The following PRKG1 variants were observed in gnomAD, a reference collection of about 807,000 sequenced individuals.
PRKG1 encodes cGMP-dependent protein kinase 1.
PRKG1 carries 35 observed loss-of-function variants against 88.1 expected under a neutral mutation model. That is an observed-to-expected ratio of 0.40 (90% confidence interval 0.30 to 0.53). The LOEUF (loss-of-function observed/expected upper bound fraction) is 0.53. Ranked by LOEUF, PRKG1 falls within the 20% of genes least tolerant of loss-of-function variation. The pLI is 0.59. For missense variants in PRKG1, 540 were observed against 839.8 expected, an observed-to-expected ratio of 0.64 and a Z score of 4.41; for synonymous variants, 303 against 292.5, an observed-to-expected ratio of 1.04 and a Z score of -0.37.
intron 7 of PRKG1, among the ~76,000 whole-genome samples, chr10:52,128,943 A>T (rs1484601635): frequency 1.3e-5 from 2 of 152,196 alleles, no homozygotes; most frequent in Non-Finnish European, 2.9e-5. Context: ...TTCAGAGGTA[A>T]TGTGTGTTTG....
chr10:51,438,399 A>G (rs11599550), intron 2 of PRKG1, among the ~76,000 whole-genome samples: 38,259 of 151,756 alleles, frequency 0.25, 5,695 homozygotes, highest in Non-Finnish European at 0.34. Flanking sequence ...CTCATTGAAG[A>G]TAGAACTTTA....
In PRKG1 at chr10:51,524,074, C is replaced by G. The variant is rs374631649; in HGVS notation, c.592+56238C>G. Among the ~76,000 whole-genome samples the G allele has an allele frequency of 1.5e-4, 23 of 152,194 alleles. No individual in the cohort carries two copies. In the East Asian group the frequency reaches 4.1e-3, roughly 27 times the overall value. ...GTTTAGAAGTTTGTGGCACCTCTCC[C>G]CTGGTTCTCTTTCTTGTCCTTGCTC... On this transcript the variant is annotated intron_variant, in intron 3 of 17. Transcript: ENST00000373980.
intron 3 of PRKG1, among the ~76,000 whole-genome samples, chr10:51,725,929 G>A (rs546120873): frequency 1.3e-5 from 2 of 152,176 alleles, no homozygotes; most frequent in South Asian, 2.1e-4. Flanking sequence ...ATGAGCCACC[G>A]TGCCTGGCCA....
chr10:51,496,705 G>C (rs1352890863), intron 3 of PRKG1, among the ~76,000 whole-genome samples: 1 of 152,026 alleles, frequency 6.6e-6, no homozygotes, highest in African/African-American at 2.4e-5. Context: ...TCAGGCCTTT[G>C]TTTTCTGTAA....
intron 7 of PRKG1, among the ~76,000 whole-genome samples, chr10:52,097,897 T>G (rs1179623664): frequency 1.3e-5 from 2 of 152,034 alleles, no homozygotes; most frequent in East Asian, 3.9e-4. Flanking sequence ...GCTTTGTGCC[T>G]TAGGGAACAA....
upstream of PRKG1, among the ~76,000 whole-genome samples, chr10:51,072,418 G>A (rs1843845034): frequency 6.6e-6 from 1 of 152,058 alleles, no homozygotes; most frequent in South Asian, 2.1e-4. Context: ...GGTTAAATAA[G>A]AATTTGGCCT....
chr10:52,106,909 C>G (rs35049692), intron 7 of PRKG1, among the ~76,000 whole-genome samples: 44,742 of 151,850 alleles, frequency 0.29, 7,451 homozygotes, highest in Middle Eastern at 0.39. Flanking sequence ...ATAAATTATT[C>G]TAAAGCACCC....
intron 2 of PRKG1, among the ~76,000 whole-genome samples, chr10:51,384,933 A>G (rs1464848001): frequency 6.6e-6 from 1 of 152,228 alleles, no homozygotes; most frequent in Non-Finnish European, 1.5e-5. Context: ...TTCCTTTTGT[A>G]AAAACTAAAA....
intron 6 of PRKG1, among the ~76,000 whole-genome samples, chr10:52,059,802 TAA>T (rs1251540469): frequency 6.6e-6 from 1 of 151,882 alleles, no homozygotes; most frequent in Non-Finnish European, 1.5e-5. Context: ...TACTATATGA[TAA>T]CTTAAAAATT....
intron 4 of PRKG1, among the ~76,000 whole-genome samples, chr10:51,810,801 C>A (rs1040991370): frequency 2.6e-5 from 4 of 152,066 alleles, no homozygotes; most frequent in Admixed American, 1.3e-4. Context: ...TGAGATCACC[C>A]CTTGACTTCT....
At chr10:51,614,661 G>A (rs1294886242) in intron 3 of PRKG1, among the ~76,000 whole-genome samples, 1 of 151,902 alleles carries the variant, frequency 6.6e-6, no homozygotes, top group Non-Finnish European at 1.5e-5. Context: ...TACTGTAGTG[G>A]TGGTATTTGA....
chr10:51,413,845 C>T (rs1386383817), intron 2 of PRKG1, among the ~76,000 whole-genome samples: 1 of 152,062 alleles, frequency 6.6e-6, no homozygotes, highest in Admixed American at 6.6e-5. Context: ...TTTTTTGTTT[C>T]TTTGCTGAGT....
intron 3 of PRKG1, among the ~76,000 whole-genome samples, chr10:51,634,293 A>G (rs1839600356): frequency 6.6e-6 from 1 of 152,160 alleles, no homozygotes; most frequent in Non-Finnish European, 1.5e-5. Context: ...GCATCTCTAC[A>G]GTTACATTGT....
chr10:51,527,769 G>A (rs750621282), intron 3 of PRKG1, among the ~76,000 whole-genome samples: 36 of 152,138 alleles, frequency 2.4e-4, no homozygotes, highest in Non-Finnish European at 4.9e-4. Context: ...AAAGTCTTTT[G>A]TTTCCTTTTC....
At chr10:51,339,593 T>C (rs211088) in intron 2 of PRKG1, among the ~76,000 whole-genome samples, 5,751 of 152,030 alleles carry the variant, frequency 0.038, 351 homozygotes, top group African/African-American at 0.13. Flanking sequence ...TTTGTATACA[T>C]TATTTCAATC....
chr10:51,916,290 C>T (rs951234499), intron 5 of PRKG1, among the ~76,000 whole-genome samples: 5 of 152,142 alleles, frequency 3.3e-5, no homozygotes, highest in Non-Finnish European at 5.9e-5. Flanking sequence ...AAAACTAATA[C>T]AATATGGTGA....
intron 2 of PRKG1, among the ~76,000 whole-genome samples, chr10:51,332,962 C>T (rs954200676): frequency 2.0e-5 from 3 of 152,158 alleles, no homozygotes; most frequent in African/African-American, 7.2e-5. Flanking sequence ...CTTTAACCTC[C>T]TAACAGCTCT....
At chr10:51,104,853 C>T (rs1400690824) in intron 1 of PRKG1, among the ~76,000 whole-genome samples, 5 of 152,012 alleles carry the variant, frequency 3.3e-5, no homozygotes, top group Admixed American at 1.3e-4. Context: ...CCTCAGCCTC[C>T]CAAGTAGCTG....
intron 2 of PRKG1, among the ~76,000 whole-genome samples, chr10:51,164,783 G>C (rs1846482942): frequency 6.6e-6 from 1 of 152,100 alleles, no homozygotes. Context: ...TGATCAACTG[G>C]AAGAAAGGGT....
Sources: allele counts gnomAD v4.1 joint callset (sites outside exome capture counted in the v4.1 genomes callset), GRCh38; gene constraint gnomAD v4.1.1; transcripts MANE v1.5; gene names NCBI Gene and HGNC (gene_info 2026-07-23, HGNC 2026-07-21).